Variants in NOS1AP observed in about 807,000 individuals in gnomAD.
NOS1AP encodes the protein carboxyl-terminal PDZ ligand of neuronal nitric oxide synthase protein.
Under a neutral mutation model 56.2 loss-of-function variants are expected in NOS1AP, and 21 were observed. That is an observed-to-expected ratio of 0.37 (90% CI 0.26 to 0.54). The LOEUF is 0.54. Ranked by LOEUF, NOS1AP falls within the 20% of genes least tolerant of loss-of-function variation. The probability of loss-of-function intolerance (pLI) is 0.84; values close to 1 mark genes in which losing one functional copy is unlikely to be tolerated. For missense variants in NOS1AP, 522 were observed against 657.8 expected, an observed-to-expected ratio of 0.79 and a Z score of 2.26; for synonymous variants, 270 against 274.6, an observed-to-expected ratio of 0.98 and a Z score of 0.17.
At position 162,070,185 on chromosome 1, in the gene NOS1AP, G is replaced by A; in HGVS notation, c.8G>A (p.Ser3Asn). The part of the protein sequence containing the change: MP[S>N]KTKYNLVDDG... Reference sequence around the variant, plus strand: ...GGTCCGCCGCGGGTAACCATGCCTAGCAAAACCAAGTACAACCTTGTGGAC... The same window carrying A: ...GGTCCGCCGCGGGTAACCATGCCTAACAAAACCAAGTACAACCTTGTGGAC... Residue 3 changes from serine to asparagine, a missense_variant, in exon 1 of 10, where the codon AGC becomes AAC. Ser to Asn is a conservative substitution (Grantham distance 46, BLOSUM62 1). Around this residue, in one of 4 missense-constraint regions of NOS1AP, gnomAD observed 132 missense variants for 218.1 expected, o/e 0.61. Coordinates refer to ENST00000361897, the MANE Select transcript of NOS1AP (RefSeq NM_014697.3). The A allele has an allele frequency of 6.2e-7, 1 of 1,613,848 alleles. No homozygotes were observed. Among genetic ancestry groups the A allele is most frequent in the Non-Finnish European group, 8.5e-7 (1 of 1,179,810 alleles).
At chr1:162,344,160 A>G (rs749283617) in intron 6 of NOS1AP, among the ~76,000 whole-genome samples, 184 bp downstream of exon 6, 4 of 152,234 alleles carry the variant, frequency 2.6e-5, no homozygotes, top group Admixed American at 6.5e-5. Flanking sequence ...GAAATTAAAG[A>G]TGTTTAAATT....
intron 4 of NOS1AP, among the ~76,000 whole-genome samples, chr1:162,325,691 T>C (rs909068798): frequency 1.3e-5 from 2 of 152,150 alleles, no homozygotes; most frequent in Admixed American, 1.3e-4. Context: ...GACTTCTGCA[T>C]GTGTCACATT....
intron 2 of NOS1AP, among the ~76,000 whole-genome samples, chr1:162,270,657 C>A (rs1207781875): frequency 1.3e-5 from 2 of 152,164 alleles, no homozygotes; most frequent in Admixed American, 6.5e-5. Flanking sequence ...ATGAGAAAAT[C>A]CAGTTTCTCT....
At position 162,369,568 on chromosome 1, in the gene NOS1AP, G is replaced by A. The variant is rs1362439391; in HGVS notation, c.*2101G>A. 2 of 152,406 alleles carry A rather than the reference G, an allele frequency of 1.3e-5. No homozygotes were observed. The highest frequency in any genetic ancestry group is 2.4e-5 in the African/African-American group (1 of 41,458). 9.4% of individuals were successfully genotyped at this position (152,406 alleles called of 1,614,324 possible). On this transcript the variant is annotated 3_prime_UTR_variant, in exon 10 of 10. Coordinates refer to ENST00000361897, the MANE Select transcript of NOS1AP (RefSeq NM_014697.3). ...TGTGTGGGATGTGGCCAGGGAGTGG[G>A]TGAGGAAGGCCGCTTCTAAATGGCC...
At chr1:162,076,710 A>G (rs1253895569) in intron 1 of NOS1AP, among the ~76,000 whole-genome samples, 1 of 152,210 alleles carries the variant, frequency 6.6e-6, no homozygotes, top group Admixed American at 6.5e-5. Context: ...TACTAAAAAT[A>G]CAAAATTAGC....
At chr1:162,140,080 C>T (rs374043324) in intron 1 of NOS1AP, among the ~76,000 whole-genome samples, 1 of 152,214 alleles carries the variant, frequency 6.6e-6, no homozygotes, top group Non-Finnish European at 1.5e-5. Context: ...CCACCTGCCT[C>T]AGCCTCCCAT....
At chr1:162,291,984 A>C (rs1472259782) in intron 3 of NOS1AP, among the ~76,000 whole-genome samples, 2 of 152,240 alleles carry the variant, frequency 1.3e-5, no homozygotes, top group Non-Finnish European at 2.9e-5. Flanking sequence ...GATTTTTCTA[A>C]TAAAGGACCC....
chr1:162,194,944 A>G (rs890837575), intron 2 of NOS1AP, among the ~76,000 whole-genome samples: 13 of 152,052 alleles, frequency 8.5e-5, no homozygotes, highest in South Asian at 4.2e-4. Flanking sequence ...TTTCCCCTGG[A>G]TGTATTATTG....
chr1:162,158,474 G>A (rs1571076530), intron 2 of NOS1AP, among the ~76,000 whole-genome samples: 1 of 152,136 alleles, frequency 6.6e-6, no homozygotes, highest in East Asian at 1.9e-4. Context: ...ATATCTTTTT[G>A]AGATCTTGCT....
intron 6 of NOS1AP, among the ~76,000 whole-genome samples, chr1:162,345,396 A>G (rs996002750): frequency 1.1e-4 from 16 of 147,546 alleles, no homozygotes; most frequent in Admixed American, 2.1e-4. Context: ...TATGAGTGAG[A>G]ATATGCGGTG....
At position 162,343,710 on chromosome 1, in the gene NOS1AP, T is replaced by A. The variant is rs1657182091; in HGVS notation, c.454-125T>A. ...AAAGGGGAAATGTCTTTGCACTCAT[T>A]TGTATGTGCATATCTGAACAACTTT... On this transcript the variant is annotated intron_variant, in intron 5 of 9. Transcript: ENST00000361897. 3 of 1,049,686 alleles carry A rather than the reference T, an allele frequency of 2.9e-6. No individual in the cohort carries two copies. In the East Asian group the frequency reaches 7.2e-5, roughly 25 times the overall value. The allele number at this position is 1,049,686 out of a possible 1,614,324, so 65.0% of individuals were successfully genotyped here.
intron 1 of NOS1AP, among the ~76,000 whole-genome samples, chr1:162,147,331 CAAAA>C (rs572205161): frequency 1.3e-5 from 1 of 74,854 alleles, no homozygotes; most frequent in Non-Finnish European, 2.9e-5. Context: ...GACTCCGTCT[CAAAA>C]AAAAAAAAAA....
At chr1:162,257,913 A>G (rs1031503162) in intron 2 of NOS1AP, among the ~76,000 whole-genome samples, 4 of 151,950 alleles carry the variant, frequency 2.6e-5, no homozygotes, top group African/African-American at 9.7e-5. Flanking sequence ...TCCATATTTC[A>G]GAGAGGACAT....
intron 1 of NOS1AP, among the ~76,000 whole-genome samples, chr1:162,098,205 C>G (rs1351488520): frequency 1.4e-5 from 2 of 148,002 alleles, no homozygotes; most frequent in East Asian, 4.1e-4. Context: ...CCCCTGGGCT[C>G]AAGCAGTCTT....
chr1:162,290,026 C>G (rs1020596574), intron 3 of NOS1AP, among the ~76,000 whole-genome samples: 1 of 152,150 alleles, frequency 6.6e-6, no homozygotes, highest in Non-Finnish European at 1.5e-5. Flanking sequence ...GAGGTATCAC[C>G]TGGAGAGAAG....
chr1:162,329,750 C>A (rs535214588), intron 4 of NOS1AP, among the ~76,000 whole-genome samples: 2 of 152,070 alleles, frequency 1.3e-5, no homozygotes, highest in African/African-American at 4.8e-5. Flanking sequence ...CATTAATTTG[C>A]GGATTTATTA....
intron 2 of NOS1AP, among the ~76,000 whole-genome samples, chr1:162,182,971 C>A (rs1263204766): frequency 6.6e-6 from 1 of 152,208 alleles, no homozygotes; most frequent in East Asian, 1.9e-4. Flanking sequence ...GTTCTAATGG[C>A]ATCCAGAATG....
chr1:162,255,198 G>A (rs1379336480), intron 2 of NOS1AP, among the ~76,000 whole-genome samples: 1 of 152,144 alleles, frequency 6.6e-6, no homozygotes, highest in Non-Finnish European at 1.5e-5. Flanking sequence ...TGACCTTGAG[G>A]AACATTTTAT....
chr1:162,251,879 T>G (rs866317430), intron 2 of NOS1AP, among the ~76,000 whole-genome samples: 1,874 of 140,312 alleles, frequency 0.013, 43 homozygotes, highest in African/African-American at 0.047. Context: ...GTTTTTTTTT[T>G]TTTTTTTTTT....
Sources: gnomAD v4.1 joint callset for allele counts (sites outside exome capture counted in the v4.1 genomes callset) on GRCh38, gnomAD v4.1.1 for gene constraint, gnomAD v4.1.1 regional missense constraint, MANE v1.5 for transcripts, NCBI Gene and HGNC (gene_info 2026-07-23, HGNC 2026-07-21) for gene names.